The following MTMR10 variants were observed in gnomAD, a reference collection of about 807,000 sequenced individuals.
MTMR10 encodes myotubularin related protein 10.
A neutral mutation model predicts 88.1 loss-of-function variants in MTMR10; 56 were observed. That is an observed-to-expected ratio of 0.64 (90% CI 0.51 to 0.79). MTMR10 has a LOEUF of 0.79. Ranked by LOEUF, MTMR10 falls within the 30% of genes least tolerant of loss-of-function variation. The pLI is 0.00. For missense variants in MTMR10, 883 were observed against 924.7 expected, an observed-to-expected ratio of 0.95 and a Z score of 0.58; for synonymous variants, 380 against 340.9, an observed-to-expected ratio of 1.11 and a Z score of -1.26.
intron 14 of MTMR10, chr15:30,943,367 G>A: frequency 1.0e-6 from 1 of 985,054 alleles, no homozygotes; most frequent in Non-Finnish European, 1.2e-6. Flanking sequence ...TCACTAACAT[G>A]ATACTAGAAA....
At chr15:30,989,066 T>G (rs2031139868) in intron 2 of MTMR10, among the ~76,000 whole-genome samples, 3 of 151,928 alleles carry the variant, frequency 2.0e-5, no homozygotes, top group South Asian at 4.2e-4. Flanking sequence ...TAAGACCATG[T>G]TGTTTCTGAG....
In MTMR10 at chr15:30,948,356, C is replaced by T; in HGVS notation, c.1323G>A (p.Met441Ile). ...ATCTGTCTAGAAACTGATATCCTGC[C>T]ATGACCCACTCCTTCTGTATCAGAC... Reference protein sequence around the residue: ...FQSLIQKEWVMAGYQFLDRCN... With the variant: ...FQSLIQKEWVIAGYQFLDRCN... The change falls in exon 13 of 16, where the codon ATG (methionine) becomes ATA (isoleucine). Residue 441 changes from methionine (M) to isoleucine (I), a missense_variant. Physicochemically the swap from Met to Ile is conservative, Grantham distance 10. Transcript: ENST00000435680. 6.2e-7 allele frequency: 1 copy of T among 1,613,832 alleles called. No individual in the cohort carries two copies. The highest frequency in any genetic ancestry group is 1.1e-5 in the South Asian group (1 of 91,064).
rs1704214905 is a variant in MTMR10, at chr15:30,960,874, T to G, written c.758+7A>C. 1.3e-6 allele frequency: 2 copies of G among 1,583,986 alleles called. No individual in the cohort carries two copies. Among genetic ancestry groups the G allele is most frequent in the African/African-American group, 2.7e-5 (2 of 74,424 alleles). ...GCCATATATAACATTGCTAAAATTGTACTTACCAAGTGGATATCATGTAAC... is the reference window on the plus strand; with the variant it reads ...GCCATATATAACATTGCTAAAATTGGACTTACCAAGTGGATATCATGTAAC... On this transcript the variant is annotated splice_region_variant and intron_variant, in intron 7 of 15. Transcript: ENST00000435680.
At chr15:30,968,119 T>TA in intron 5 of MTMR10, 109 bp from the exon 6 acceptor site, 2 of 729,128 alleles carry the variant, frequency 2.7e-6, no homozygotes, top group Non-Finnish European at 4.4e-6. Context: ...TGATTATAGA[T>TA]ACTATTTACA....
chr15:30,931,191 C>T, the MTMR10 span, among the ~76,000 whole-genome samples: 1 of 152,184 alleles, frequency 6.6e-6, no homozygotes, highest in Non-Finnish European at 1.5e-5. Flanking sequence ...TATACATCTA[C>T]TATGTACCCA....
In MTMR10 at chr15:30,961,029, C is replaced by T; in HGVS notation, c.610G>A (p.Gly204Arg). 1 of 1,561,630 alleles carries T rather than the reference C, an allele frequency of 6.4e-7. No homozygotes were observed. The highest frequency in any genetic ancestry group is 8.7e-7 in the Non-Finnish European group (1 of 1,152,014). ...CCACCAGCTCCATTACCTCCTCCTC[C>T]TCCTCCTCCTCCATCTCCTGAGGGA... ...GIPSGDGGGGGGGGNGAGGGS... is the reference protein window; with the variant it reads ...GIPSGDGGGGRGGGNGAGGGS... The change falls in exon 7 of 16, where the codon GGA becomes AGA. Residue 204 changes from glycine (G) to arginine (R), a missense_variant. By Grantham distance (125) the Gly-to-Arg change is moderately radical. This residue lies in a region of MTMR10 where 414 missense variants were observed against 423.2 expected (regional missense o/e 0.98). Transcript: ENST00000435680.
At chr15:30,966,858 CTTTTT>C (rs76851097) in intron 6 of MTMR10, among the ~76,000 whole-genome samples, 16 of 131,076 alleles carry the variant, frequency 1.2e-4, no homozygotes, top group African/African-American at 4.3e-4. Flanking sequence ...ACTGTATTTT[CTTTTT>C]TTTTTTTTTT....
In MTMR10 at chr15:30,942,980, C is replaced by T; in HGVS notation, c.1641G>A (p.Lys547=). 1.3e-6 allele frequency: 2 copies of T among 1,555,002 alleles called. No homozygotes were observed. Among genetic ancestry groups the T allele is most frequent in the Non-Finnish European group, 1.7e-6 (2 of 1,148,150 alleles). ...AGGGGTTATGGAAAAGGGTGCGATC[C>T]TTTGCTGTAAACTGGAGAGACCAGT... ...VWDWSLQFTA[K]DRTLFHNPFY... Residue 547 remains lysine, a synonymous_variant, in exon 15 of 16, where the codon AAG becomes AAA. Transcript: ENST00000435680.
chr15:30,980,938 G>A lies in MTMR10; in HGVS notation c.122-3983C>T, dbSNP rs551441964. Reference sequence around the variant, plus strand: ...ACTGAATAATAAATAAATAAATGGCGGAGAAGAGACAAATCTTCCTCACAG... The same window carrying A: ...ACTGAATAATAAATAAATAAATGGCAGAGAAGAGACAAATCTTCCTCACAG... On this transcript the variant is annotated intron_variant, in intron 2 of 15. Transcript: ENST00000435680. Among the ~76,000 whole-genome samples, 36 of 152,186 alleles carry A rather than the reference G, an allele frequency of 2.4e-4. No individual in the cohort carries two copies. The East Asian group carries it at 3.7e-3, about 15-fold the overall frequency.
At chr15:30,982,873 G>GA (rs1337515827) in intron 2 of MTMR10, among the ~76,000 whole-genome samples, 1 of 152,176 alleles carries the variant, frequency 6.6e-6, no homozygotes, top group African/African-American at 2.4e-5. Context: ...GCCATGCACT[G>GA]AAACACTGTG....
intron 2 of MTMR10, among the ~76,000 whole-genome samples, chr15:30,986,718 A>G (rs996449234): frequency 1.3e-5 from 2 of 152,200 alleles, no homozygotes; most frequent in Non-Finnish European, 2.9e-5. Flanking sequence ...CAAATCTGAT[A>G]CCAGGCCCTG....
At chr15:30,930,965 C>T in the MTMR10 span, among the ~76,000 whole-genome samples, 2 of 152,156 alleles carry the variant, frequency 1.3e-5, no homozygotes, top group Non-Finnish European at 2.9e-5. Flanking sequence ...GTCTCTAGTC[C>T]AGCTGACACT....
At chr15:30,963,405 C>T (rs992418356) in intron 6 of MTMR10, among the ~76,000 whole-genome samples, 2 of 151,726 alleles carry the variant, frequency 1.3e-5, no homozygotes, top group South Asian at 2.1e-4. Flanking sequence ...CCGAGGTGGG[C>T]GGATCACAAG....
chr15:30,991,534 C>G lies in MTMR10; in HGVS notation c.-28G>C, dbSNP rs1372584585. 2.0e-6 allele frequency: 3 copies of G among 1,534,808 alleles called. No individual in the cohort carries two copies. Among genetic ancestry groups the G allele is most frequent in the African/African-American group, 1.4e-5 (1 of 69,090 alleles). Reference sequence around the variant, plus strand: ...TGCCGCCGCCTTTTCGCCCCGTTCCCGTCGCGGGCCAGTGGCAGCGCCGAC... The same window carrying G: ...TGCCGCCGCCTTTTCGCCCCGTTCCGGTCGCGGGCCAGTGGCAGCGCCGAC... On this transcript the variant is annotated 5_prime_UTR_variant, in exon 1 of 16. Coordinates refer to ENST00000435680, the MANE Select transcript of MTMR10 (RefSeq NM_017762.3).
intron 2 of MTMR10, 39 bp downstream of exon 2, chr15:30,990,738 G>T (rs1364268430): frequency 2.6e-6 from 4 of 1,549,870 alleles, no homozygotes; most frequent in Admixed American, 3.6e-5. Context: ...ACCAAAATAC[G>T]TTGCTAAAGT....
chr15:30,947,220 G>A lies in MTMR10; in HGVS notation c.1458C>T (p.Thr486=). ...TGCTGTCATACAACACTGCCAGGTA[G>A]GTTTCGGAGAACTCAAAAGCTGCAG... The part of the protein sequence containing the change: ...QYPAAFEFSE[T]YLAVLYDSTR... The change falls in exon 14 of 16, where the codon ACC becomes ACT. Residue 486 remains threonine (T), a synonymous_variant. Transcript: ENST00000435680. 1 of 1,613,962 alleles carries A rather than the reference G, an allele frequency of 6.2e-7. No homozygotes were observed.
intron 2 of MTMR10, among the ~76,000 whole-genome samples, chr15:30,989,444 T>C (rs1368731256): frequency 5.9e-5 from 9 of 152,224 alleles, no homozygotes; most frequent in South Asian, 2.1e-4. Flanking sequence ...TTTGTCCCTA[T>C]ATAATATTTA....
At chr15:30,932,019 G>C in the MTMR10 span, among the ~76,000 whole-genome samples, 1 of 151,410 alleles carries the variant, frequency 6.6e-6, no homozygotes, top group Admixed American at 6.6e-5. Context: ...TCAGGAGATT[G>C]AGACCATCCT....
At chr15:30,961,456 C>G (rs1026865566) in intron 6 of MTMR10, among the ~76,000 whole-genome samples, 2 of 152,108 alleles carry the variant, frequency 1.3e-5, no homozygotes, top group African/African-American at 4.8e-5. Context: ...GGCTAGGCTG[C>G]TCTTGAACTC....
Sources: gnomAD v4.1 joint callset for allele counts (sites outside exome capture counted in the v4.1 genomes callset) on GRCh38, gnomAD v4.1.1 for gene constraint, gnomAD v4.1.1 regional missense constraint, MANE v1.5 for transcripts, NCBI Gene and HGNC (gene_info 2026-07-23, HGNC 2026-07-21) for gene names.